IL1R1: variants seen among roughly 807,000 people sequenced by gnomAD.
IL1R1 encodes interleukin-1 receptor type 1.
A neutral mutation model predicts 50.2 loss-of-function variants in IL1R1; 22 were observed. The ratio of observed to expected loss-of-function variants is 0.44; its 90% CI spans 0.31 to 0.63. IL1R1 has a LOEUF of 0.63. Among genes scored for constraint, IL1R1 ranks in the 20% least tolerant of loss-of-function variants. IL1R1 has a pLI of 0.07. For synonymous variants in IL1R1, 251 were observed against 236.7 expected, an observed-to-expected ratio of 1.06 and a Z score of -0.55; for missense variants, 509 against 676.2, an observed-to-expected ratio of 0.75 and a Z score of 2.74.
At chr2:102,174,806 G>A (rs1685977868) in intron 10 of IL1R1, 76 bp downstream of exon 10, 4 of 1,225,642 alleles carry the variant, frequency 3.3e-6, no homozygotes, top group Non-Finnish European at 4.5e-6. Flanking sequence ...ATGACTAAGA[G>A]GGTTTTTACT....
At chr2:102,078,923 C>T (rs1679093957) in intron 1 of IL1R1, among the ~76,000 whole-genome samples, 1 of 152,092 alleles carries the variant, frequency 6.6e-6, no homozygotes, top group African/African-American at 2.4e-5. Context: ...AAGAATGCAA[C>T]ATTATTTCAA....
At chr2:102,174,240 A>G (rs916610922) in intron 9 of IL1R1, among the ~76,000 whole-genome samples, 2 of 152,078 alleles carry the variant, frequency 1.3e-5, no homozygotes, top group African/African-American at 2.4e-5. Context: ...ACTTTACCCA[A>G]TGGACTCTCT....
intron 1 of IL1R1, among the ~76,000 whole-genome samples, chr2:102,095,736 G>A (rs1266804751): frequency 6.6e-6 from 1 of 152,202 alleles, no homozygotes; most frequent in Non-Finnish European, 1.5e-5. Context: ...CGGGCACGGT[G>A]GCTCACGCCT....
chr2:102,093,047 A>G (rs536997136), intron 1 of IL1R1, among the ~76,000 whole-genome samples: 1 of 152,356 alleles, frequency 6.6e-6, no homozygotes, highest in Non-Finnish European at 1.5e-5. Context: ...GTGGGTGATT[A>G]TTAACTTGTT....
chr2:102,132,026 G>C (rs1447286917), intron 1 of IL1R1, among the ~76,000 whole-genome samples: 5 of 152,024 alleles, frequency 3.3e-5, no homozygotes, highest in Non-Finnish European at 5.9e-5. Flanking sequence ...AGCTAGAAGA[G>C]TTTGGAGCAT....
chr2:102,088,583 C>T (rs890370648), intron 1 of IL1R1, among the ~76,000 whole-genome samples: 10 of 152,258 alleles, frequency 6.6e-5, no homozygotes, highest in South Asian at 2.1e-4. Flanking sequence ...TGGACGTTGG[C>T]GTCAACTTAA....
chr2:102,131,786 A>G (rs1682047649), intron 1 of IL1R1, among the ~76,000 whole-genome samples: 1 of 152,188 alleles, frequency 6.6e-6, no homozygotes, highest in Admixed American at 6.5e-5. Context: ...AAAATATTTG[A>G]AGAAATAATG....
intron 1 of IL1R1, among the ~76,000 whole-genome samples, chr2:102,115,545 ATGCAAAGTAGGGGC>A (rs1681022702): frequency 6.6e-6 from 1 of 152,194 alleles, no homozygotes. Flanking sequence ...AACTCAAGCA[ATGCAAAGTAGGGGC>A]TGCAAAGTGC....
chr2:102,136,907 C>G (rs1018735990), intron 1 of IL1R1, among the ~76,000 whole-genome samples: 2 of 152,190 alleles, frequency 1.3e-5, no homozygotes, highest in African/African-American at 4.8e-5. Context: ...GGAGACTTAC[C>G]TCTCATGGGC....
chr2:102,167,858 C>T (rs1040062855), intron 6 of IL1R1, among the ~76,000 whole-genome samples: 3 of 152,136 alleles, frequency 2.0e-5, no homozygotes, highest in Admixed American at 1.3e-4. Context: ...AAGGCCCACA[C>T]CAATGATGCC....
intron 1 of IL1R1, among the ~76,000 whole-genome samples, chr2:102,144,115 T>G (rs1187468030): frequency 6.6e-6 from 1 of 152,256 alleles, no homozygotes; most frequent in Non-Finnish European, 1.5e-5. Context: ...CTATTGGCAT[T>G]GTTTTCTTTC....
At chr2:102,130,917 T>C (rs1157854675) in intron 1 of IL1R1, among the ~76,000 whole-genome samples, 4 of 152,134 alleles carry the variant, frequency 2.6e-5, no homozygotes, top group Non-Finnish European at 5.9e-5. Flanking sequence ...GGAAGGATAG[T>C]GATCCCTGAG....
Position 102,175,524 on chromosome 2 carries a change from T to C in IL1R1, c.1182T>C (p.Thr394=), listed in dbSNP as rs113026907. 77 of 1,613,698 alleles carry C rather than the reference T, an allele frequency of 4.8e-5. 2 individuals carry two copies. The African/African-American group carries it at 6.4e-4, about 13-fold the overall frequency. The change falls in exon 11 of 12, where the codon ACT becomes ACC. Residue 394 remains threonine, a synonymous_variant. Transcript: ENST00000410023. ...ACGCATATATACTGTATCCAAAGAC[T>C]GTTGGGGAAGGGTCTACCTCTGACT... ...TYDAYILYPK[T]VGEGSTSDCD...
chr2:102,154,399 C>G (rs977617496), intron 2 of IL1R1, among the ~76,000 whole-genome samples: 33 of 152,322 alleles, frequency 2.2e-4, no homozygotes, highest in African/African-American at 6.3e-4. Context: ...GTCAGTACTG[C>G]TCACCTCGTT....
In IL1R1 at chr2:102,179,822, GA is replaced by G. The variant is rs1316367928; in HGVS notation, c.*3064del. 1.3e-5 allele frequency: 2 copies of G among 152,640 alleles called. No homozygotes were observed. Among genetic ancestry groups the G allele is most frequent in the African/African-American group, 4.8e-5 (2 of 41,396 alleles). 9.5% of individuals were successfully genotyped at this position (152,640 alleles called of 1,614,324 possible). A position where few individuals can be genotyped will look rare whatever the true frequency, so the allele number is the denominator to read the frequency against. On this transcript the variant is annotated 3_prime_UTR_variant, in exon 12 of 12. Transcript: ENST00000410023. ...AAATTCATGTACAGCATGCATCACG[GA>G]TCAATAGACTGTACTTATTTTCCAA...
At chr2:102,113,255 T>C (rs1680877344) in intron 1 of IL1R1, among the ~76,000 whole-genome samples, 1 of 152,252 alleles carries the variant, frequency 6.6e-6, no homozygotes, top group Admixed American at 6.5e-5. Context: ...GCCATTGCTA[T>C]AGAATAGGCT....
At chr2:102,083,480 G>C (rs564612802) in intron 1 of IL1R1, among the ~76,000 whole-genome samples, 1 of 152,224 alleles carries the variant, frequency 6.6e-6, no homozygotes, top group African/African-American at 2.4e-5. Flanking sequence ...ATGTCTGAGT[G>C]GTCAAGGGTA....
chr2:102,122,396 TTC>T (rs1388003731), intron 1 of IL1R1, among the ~76,000 whole-genome samples: 2 of 152,186 alleles, frequency 1.3e-5, no homozygotes, highest in Admixed American at 6.5e-5. Flanking sequence ...TCTGTGTCAG[TTC>T]TCTCTCTCTC....
rs779721723 is a variant in IL1R1 at position 102,171,889 on chromosome 2, T to A, written c.810T>A (p.Asp270Glu). 2 of 1,603,914 alleles carry A rather than the reference T, an allele frequency of 1.2e-6. No individual in the cohort carries two copies. The highest frequency in any genetic ancestry group is 1.7e-5 in the Admixed American group (1 of 59,730). The part of the protein sequence containing the change: ...WKWNGSVIDE[D>E]DPVLGEDYYS... The stretch of plus-strand genomic sequence containing the variant: ...GGAATGGGTCAGTAATTGATGAAGA[T>A]GACCCAGTGCTAGGGGAAGACTATT... The change falls in exon 8 of 12, where the codon GAT becomes GAA. Residue 270 changes from aspartate to glutamate, a missense_variant. Coordinates refer to ENST00000410023, the MANE Select transcript of IL1R1 (RefSeq NM_000877.4).
Sources: allele counts gnomAD v4.1 joint callset (sites outside exome capture counted in the v4.1 genomes callset), GRCh38; gene constraint gnomAD v4.1.1; transcripts MANE v1.5; gene names NCBI Gene and HGNC (gene_info 2026-07-23, HGNC 2026-07-21).